The following PTPN22 variants were observed in gnomAD, a reference collection of about 807,000 sequenced individuals.
PTPN22 encodes the protein protein tyrosine phosphatase non-receptor type 22.
In PTPN22, 85 loss-of-function variants were observed where a neutral mutation model predicts 103.3. The ratio of observed to expected loss-of-function variants is 0.82; its 90% CI spans 0.69 to 0.99. PTPN22 has a LOEUF of 0.99. Ranked by LOEUF, PTPN22 falls within the 50% of genes least tolerant of loss-of-function variation. PTPN22 has a pLI of 0.00. For missense variants in PTPN22, 865 were observed against 936.9 expected (o/e 0.92, Z 1.00); for synonymous variants, 323 against 310.2 (o/e 1.04, Z -0.43).
chr1:113,838,390 T>G (rs1663215393), exon 13 of PTPN22: 1 of 1,589,760 alleles, frequency 6.3e-7, no homozygotes, highest in South Asian at 1.2e-5. Flanking sequence ...GTTCATCATT[T>G]TTGCTGCTTT....
intron 18 of PTPN22, among the ~76,000 whole-genome samples, chr1:113,828,325 T>G (rs1662264081): frequency 6.6e-6 from 1 of 152,188 alleles, no homozygotes; most frequent in Non-Finnish European, 1.5e-5. Context: ...TCATTCACAC[T>G]CCCAGGTTGT....
chr1:113,852,160 T>A (rs952234600), intron 9 of PTPN22, 56 bp from the exon 10 acceptor site: 11 of 1,297,924 alleles, frequency 8.5e-6, no homozygotes, highest in Non-Finnish European at 1.2e-5. Flanking sequence ...AAATTATTGC[T>A]ACTTTTTCAT....
chr1:113,839,240 A>T (rs1663297755), intron 11 of PTPN22, among the ~76,000 whole-genome samples: 2 of 152,098 alleles, frequency 1.3e-5, no homozygotes, highest in South Asian at 4.1e-4. Context: ...CTGTCCAGCC[A>T]TGCTCAATCT....
intron 7 of PTPN22, 103 bp from the exon 8 acceptor site, chr1:113,855,152 T>C (rs544988366): frequency 4.0e-6 from 4 of 1,008,636 alleles, no homozygotes; most frequent in Non-Finnish European, 4.4e-6. Context: ...TTCAGTGGCA[T>C]GCATGCAACA....
intron 1 of PTPN22, chr1:113,864,292 A>C: frequency 2.2e-6 from 1 of 450,886 alleles, no homozygotes; most frequent in Non-Finnish European, 4.5e-6. Flanking sequence ...TGGGAGGCTG[A>C]GGCTGGAGGA....
intron 14 of PTPN22, 114 bp downstream of exon 14, chr1:113,834,796 A>G (rs1198809762): frequency 1.1e-6 from 1 of 887,030 alleles, no homozygotes; most frequent in African/African-American, 1.7e-5. Flanking sequence ...CCTGGCCTCA[A>G]TGAACTCCTC....
intron 11 of PTPN22, among the ~76,000 whole-genome samples, chr1:113,846,389 A>G (rs1410410592): frequency 1.3e-5 from 2 of 152,140 alleles, no homozygotes; most frequent in African/African-American, 4.8e-5. Context: ...TCAAGTGTGG[A>G]AGCCTTACCT....
chr1:113,829,006 C>T (rs1662318932), intron 18 of PTPN22: 1 of 152,002 alleles, frequency 6.6e-6, no homozygotes, highest in Admixed American at 6.6e-5. Flanking sequence ...CATTGCTTTT[C>T]TTTTTATTTA....
At chr1:113,818,098 G>GT (rs1661303649) in intron 20 of PTPN22, among the ~76,000 whole-genome samples, 1 of 151,614 alleles carries the variant, frequency 6.6e-6, no homozygotes, top group South Asian at 2.1e-4. Flanking sequence ...TTTTTTCATA[G>GT]TTTTTACAAT....
intron 7 of PTPN22, 65 bp downstream of exon 7, chr1:113,856,317 A>T: frequency 6.7e-7 from 1 of 1,486,766 alleles, no homozygotes; most frequent in Non-Finnish European, 8.9e-7. Context: ...TGAGCTACAC[A>T]CATCTATATT....
intron 18 of PTPN22, among the ~76,000 whole-genome samples, chr1:113,828,605 G>A (rs1438237805): frequency 2.0e-5 from 3 of 151,834 alleles, no homozygotes; most frequent in Admixed American, 6.6e-5. Flanking sequence ...TACTCTGCTC[G>A]TATATGTTTC....
At chr1:113,857,553 A>C (rs1053674238) in intron 5 of PTPN22, 185 bp downstream of exon 5, 2 of 550,144 alleles carry the variant, frequency 3.6e-6, no homozygotes, top group Admixed American at 3.5e-5. Context: ...TGAGAAAACA[A>C]ACAAATAGGA....
chr1:113,855,927 G>A (rs575169540), intron 7 of PTPN22, among the ~76,000 whole-genome samples: 15 of 152,312 alleles, frequency 9.8e-5, no homozygotes, highest in Middle Eastern at 3.4e-3. Flanking sequence ...GCACTGTTCA[G>A]CTTCTGTTCA....
chr1:113,866,994 G>A (rs778009214), intron 1 of PTPN22, among the ~76,000 whole-genome samples: 26 of 152,080 alleles, frequency 1.7e-4, no homozygotes, highest in Non-Finnish European at 2.9e-4. Flanking sequence ...CCATCTGCTC[G>A]TCTCAGCCTC....
At chr1:113,866,268 T>G (rs1156454798) in intron 1 of PTPN22, among the ~76,000 whole-genome samples, 1 of 152,162 alleles carries the variant, frequency 6.6e-6, no homozygotes, top group Non-Finnish European at 1.5e-5. Context: ...ATCCCAGTAC[T>G]TTGGGAGGCC....
intron 11 of PTPN22, among the ~76,000 whole-genome samples, chr1:113,842,809 GA>G (rs1663672856): frequency 6.7e-6 from 1 of 148,420 alleles, no homozygotes; most frequent in Non-Finnish European, 1.5e-5. Flanking sequence ...TGTTCTAAAA[GA>G]AAACTAAACG....
chr1:113,836,502 G>T (rs1663030604), intron 13 of PTPN22, among the ~76,000 whole-genome samples: 2 of 152,132 alleles, frequency 1.3e-5, no homozygotes, highest in Admixed American at 1.3e-4. Flanking sequence ...TCCAAATCCT[G>T]CAGGAAGATA....
At chr1:113,824,075 C>G (rs940140354) in intron 19 of PTPN22, among the ~76,000 whole-genome samples, 6 of 151,240 alleles carry the variant, frequency 4.0e-5, no homozygotes, top group African/African-American at 1.2e-4. Context: ...CCAAATGTAT[C>G]AAAAATTTTT....
Position 113,852,121 on chromosome 1 carries a change from GA to G in PTPN22, c.751-18del. The G allele has an allele frequency of 6.4e-7, 1 of 1,557,094 alleles. No individual in the cohort carries two copies. Among genetic ancestry groups the G allele is most frequent in the Non-Finnish European group, 8.8e-7 (1 of 1,130,348 alleles). On this transcript the variant is annotated intron_variant, in intron 9 of 20. Coordinates refer to ENST00000359785, the Ensembl canonical transcript of PTPN22. ...AGGAATTATCTATCAAATTAAAGGGGAAAATATTCCTTTCAATATTTTGTTA... is the reference window on the plus strand; with the variant it reads ...AGGAATTATCTATCAAATTAAAGGGGAAATATTCCTTTCAATATTTTGTTA...
Sources: allele counts gnomAD v4.1 joint callset (sites outside exome capture counted in the v4.1 genomes callset), GRCh38; gene constraint gnomAD v4.1.1; transcripts MANE v1.5; gene names NCBI Gene and HGNC (gene_info 2026-07-23, HGNC 2026-07-21).